LPP: variants seen among roughly 807,000 people sequenced by gnomAD.
LPP encodes the protein lipoma-preferred partner.
A neutral mutation model predicts 60.4 loss-of-function variants in LPP; 38 were observed. The ratio of observed to expected loss-of-function variants is 0.63; its 90% CI spans 0.49 to 0.83. The LOEUF (loss-of-function observed/expected upper bound fraction) is 0.83, where lower values mean the gene tolerates loss of function less well. Ranked by LOEUF, LPP falls within the 40% of genes least tolerant of loss-of-function variation. The pLI, the probability that LPP is intolerant of heterozygous loss-of-function variation, is 0.00. For synonymous variants in LPP, 328 were observed against 290.8 expected (o/e 1.13, Z -1.30); for missense variants, 902 against 783.6 (o/e 1.15, Z -1.80).
Position 188,616,857 on chromosome 3 carries a change from G to A in LPP, c.1113+7013G>A, listed in dbSNP as rs188989388. ...TCAAATATTGGATGCTATTGTAAATGGTATTTTAAAATTTGTTTATAATCA... is the reference window on the plus strand; with the variant it reads ...TCAAATATTGGATGCTATTGTAAATAGTATTTTAAAATTTGTTTATAATCA... On this transcript the variant is annotated intron_variant, in intron 7 of 11. Transcript: ENST00000617246. 6.9e-4 allele frequency among the ~76,000 whole-genome samples: 105 copies of A among 152,040 alleles called. No individual in the cohort carries two copies. In the East Asian group the frequency reaches 9.1e-3, roughly 13 times the overall value.
chr3:188,340,929 A>G (rs541626411), intron 2 of LPP, among the ~76,000 whole-genome samples: 1 of 152,296 alleles, frequency 6.6e-6, no homozygotes, highest in South Asian at 2.1e-4. Context: ...AACCATATAT[A>G]TGGAATAATG....
rs146055686 is a variant in LPP, at chr3:188,185,075, T to C, written c.-190+30823T>C. Among the ~76,000 whole-genome samples, 110 of 152,258 alleles carry C rather than the reference T, an allele frequency of 7.2e-4. No individual in the cohort carries two copies. In the East Asian group the frequency reaches 0.015, roughly 21 times the overall value. ...GTGTTTGCACCTGGCCACTGGCATA[T>C]CTTCTATCTCTGTTTGCAGAGACGC... On this transcript the variant is annotated intron_variant, in intron 1 of 11. Coordinates refer to ENST00000617246, the MANE Select transcript of LPP (RefSeq NM_001375462.1).
At chr3:188,482,562 AC>A (rs1169663663) in intron 4 of LPP, among the ~76,000 whole-genome samples, 1 of 151,580 alleles carries the variant, frequency 6.6e-6, no homozygotes, top group Non-Finnish European at 1.5e-5. Flanking sequence ...CTGGTGCCTG[AC>A]CCCCTCACTC....
Position 188,167,590 on chromosome 3 carries a change from G to GTTT in LPP, c.-190+13351_-190+13353dup, listed in dbSNP as rs35903893. On this transcript the variant is annotated intron_variant, in intron 1 of 11. Transcript: ENST00000617246. ...AAAATGTTATCTTTGTGTGTGTGTTGTTTTTTTTTTTTTTTAGGATTCTCT... is the reference window on the plus strand; with the variant it reads ...AAAATGTTATCTTTGTGTGTGTGTTGTTTTTTTTTTTTTTTTTTAGGATTCTCT... Among the ~76,000 whole-genome samples, 319 of 139,110 alleles carry GTTT rather than the reference G, an allele frequency of 2.3e-3. 5 individuals are homozygous for GTTT. The highest frequency in any genetic ancestry group is 4.8e-3 in the African/African-American group (180 of 37,876). The allele number at this position is 139,110 out of a possible 152,430, so 91.3% of individuals were successfully genotyped here. A position where few individuals can be genotyped will look rare whatever the true frequency, so the allele number is the denominator to read the frequency against.
chr3:188,867,163 CT>C (rs1294390424), intron 10 of LPP, among the ~76,000 whole-genome samples: 1 of 151,152 alleles, frequency 6.6e-6, no homozygotes, highest in East Asian at 1.9e-4. Flanking sequence ...CAGCTGGGGT[CT>C]TTATGAAAAT....
chr3:188,727,791 T>A (rs1007859487), intron 8 of LPP, among the ~76,000 whole-genome samples: 1 of 152,080 alleles, frequency 6.6e-6, no homozygotes, highest in African/African-American at 2.4e-5. Flanking sequence ...GAAAATTGAG[T>A]CTTAGGCAGT....
At chr3:188,379,032 G>A (rs1776123508) in intron 3 of LPP, among the ~76,000 whole-genome samples, 1 of 152,122 alleles carries the variant, frequency 6.6e-6, no homozygotes, top group Admixed American at 6.5e-5. Flanking sequence ...AGGAGCGCAA[G>A]TGGGGCTGAA....
intron 9 of LPP, among the ~76,000 whole-genome samples, chr3:188,847,056 T>C (rs1477549318): frequency 6.6e-6 from 1 of 152,206 alleles, no homozygotes; most frequent in Non-Finnish European, 1.5e-5. Flanking sequence ...ATTTAAAATT[T>C]GGGAAATTTT....
chr3:188,445,534 T>C (rs189601959), intron 4 of LPP, among the ~76,000 whole-genome samples: 1 of 152,074 alleles, frequency 6.6e-6, no homozygotes, highest in Non-Finnish European at 1.5e-5. Context: ...AAATACCTAA[T>C]GTAGATGACA....
Position 188,420,172 on chromosome 3 carries a change from T to A in LPP, c.193+13859T>A, listed in dbSNP as rs544291781. Among the ~76,000 whole-genome samples, 177 of 152,252 alleles carry A rather than the reference T, an allele frequency of 1.2e-3. 1 individual carries two copies. In the South Asian group the frequency reaches 0.012, roughly 10 times the overall value. ...AAAAATAATCTTAGTTGTATCCTTG[T>A]TTCTTTTTGTATTTGCTAATAGAGA... On this transcript the variant is annotated intron_variant, in intron 4 of 11. Transcript: ENST00000617246.
chr3:188,834,324 G>GTTTTTTTTTTTTTTTTTTTTTT (rs71867135), intron 9 of LPP, among the ~76,000 whole-genome samples: 44 of 34,096 alleles, frequency 1.3e-3, no homozygotes, highest in African/African-American at 2.2e-3. Flanking sequence ...CTTTTTGGGT[G>GTTTTTTTTTTTTTTTTTTTTTT]TTTTTTTTTT....
chr3:188,277,196 A>G (rs6776001), intron 2 of LPP, among the ~76,000 whole-genome samples: 110,356 of 151,934 alleles, frequency 0.73, 41,261 homozygotes, highest in African/African-American at 0.9. Context: ...GAGCCACCTC[A>G]CCTGGCCAAC....
chr3:188,848,659 C>A (rs747791352), intron 9 of LPP, among the ~76,000 whole-genome samples: 2 of 152,200 alleles, frequency 1.3e-5, no homozygotes, highest in Non-Finnish European at 2.9e-5. Flanking sequence ...AGGGGAAGAA[C>A]TTTGCTCAAA....
At chr3:188,218,531 T>TTGCA (rs1714543141) in intron 1 of LPP, among the ~76,000 whole-genome samples, 1 of 152,232 alleles carries the variant, frequency 6.6e-6, no homozygotes, top group Non-Finnish European at 1.5e-5. Context: ...TGCGCCCCTC[T>TTGCA]TGCAGTCTGT....
At chr3:188,742,506 A>T (rs561116622) in intron 8 of LPP, among the ~76,000 whole-genome samples, 2 of 152,246 alleles carry the variant, frequency 1.3e-5, no homozygotes, top group South Asian at 4.1e-4. Context: ...AAAAAATCTT[A>T]AAAATATGAT....
At chr3:188,682,243 G>A (rs1859696407) in intron 7 of LPP, among the ~76,000 whole-genome samples, 2 of 152,194 alleles carry the variant, frequency 1.3e-5, no homozygotes, top group Non-Finnish European at 2.9e-5. Context: ...AGCAAGAAAT[G>A]TCACACAAAG....
chr3:188,342,577 A>G (rs552647646), intron 3 of LPP, among the ~76,000 whole-genome samples: 7 of 152,324 alleles, frequency 4.6e-5, no homozygotes, highest in East Asian at 3.9e-4. Context: ...AGAAGATTTG[A>G]TATCATTATT....
At chr3:188,718,639 A>T (rs1426136907) in intron 8 of LPP, among the ~76,000 whole-genome samples, 2 of 152,218 alleles carry the variant, frequency 1.3e-5, no homozygotes, top group African/African-American at 4.8e-5. Context: ...ATTTATGTTT[A>T]GTTCAGTATT....
rs1323152554 is a variant in LPP at position 188,217,061 on chromosome 3, T to C, written c.-189-8344T>C. Among the ~76,000 whole-genome samples the C allele has an allele frequency of 6.6e-6, 1 of 152,214 alleles. No homozygotes were observed. The highest frequency in any genetic ancestry group is 1.5e-5 in the Non-Finnish European group (1 of 68,030). ...GACACACACAACAACGATCTCTTGG[T>C]GCTTACACGCTGCTGCAGGTGTGTG... On this transcript the variant is annotated intron_variant, in intron 1 of 11. Coordinates refer to ENST00000617246, the MANE Select transcript of LPP (RefSeq NM_001375462.1). The surrounding 1 kb of genome is among the most constrained non-coding windows in gnomAD (Gnocchi z 4.0).
Sources: gnomAD v4.1 joint callset for allele counts (sites outside exome capture counted in the v4.1 genomes callset) on GRCh38, gnomAD v4.1.1 for gene constraint, Gnocchi (gnomAD v3.1) non-coding constraint, MANE v1.5 for transcripts, NCBI Gene and HGNC (gene_info 2026-07-23, HGNC 2026-07-21) for gene names.